TTLL8: variants seen among roughly 807,000 people sequenced by gnomAD.
TTLL8 encodes protein monoglycylase TTLL8.
In TTLL8, 65 loss-of-function variants were observed where a neutral mutation model predicts 77.8. That is an observed-to-expected ratio of 0.84 (90% CI 0.68 to 1.03). TTLL8 has a LOEUF of 1.03. TTLL8 is among the 50% of genes least tolerant of loss of function. TTLL8 has a pLI of 0.00. For synonymous variants in TTLL8, 402 were observed against 422.8 expected (o/e 0.95, Z 0.60); for missense variants, 910 against 1,004.5 (o/e 0.91, Z 1.27).
At chr22:50,055,213 C>T (rs755209132), upstream of TTLL8, 20 of 1,285,174 alleles carry the variant, frequency 1.6e-5, no homozygotes, top group South Asian at 2.1e-4. Flanking sequence ...CCCTCCCCAC[C>T]GAGTCCCAAG....
In TTLL8 at chr22:50,031,674, G is replaced by A. The variant is rs780124612; in HGVS notation, c.1707+12C>T. On this transcript the variant is annotated intron_variant, in intron 11 of 13. Transcript: ENST00000266182. Reference sequence around the variant, plus strand: ...GCGGCCACCAAAGTCCCCAGGGGCGGGCGTGGCTCACCTGCCTCCACAGGA... The same window carrying A: ...GCGGCCACCAAAGTCCCCAGGGGCGAGCGTGGCTCACCTGCCTCCACAGGA... 2.4e-6 allele frequency: 3 copies of A among 1,268,358 alleles called. No individual in the cohort carries two copies. The highest frequency in any genetic ancestry group is 2.3e-5 in the Admixed American group (1 of 42,774). The allele number at this position is 1,268,358 out of a possible 1,614,324, so 78.6% of individuals were successfully genotyped here. A position where few individuals can be genotyped will look rare whatever the true frequency, so the allele number is the denominator to read the frequency against.
upstream of TTLL8, chr22:50,056,889 C>G: frequency 7.8e-7 from 1 of 1,289,714 alleles, no homozygotes; most frequent in Non-Finnish European, 1.0e-6. The surrounding 1 kb of genome is among the most constrained non-coding windows in gnomAD (Gnocchi z 4.1). Flanking sequence ...TCTCCCGTCT[C>G]CATCTGAAGA....
At chr22:50,020,712 C>G (rs376282041) in intron 12 of TTLL8, among the ~76,000 whole-genome samples, 1 of 150,056 alleles carries the variant, frequency 6.7e-6, no homozygotes, top group Non-Finnish European at 1.5e-5. Flanking sequence ...ATGTACTCCT[C>G]CATCTGACGA....
At chr22:50,032,051 T>G (rs772608912) in exon 11 of TTLL8, 1 of 1,365,464 alleles carries the variant, frequency 7.3e-7, no homozygotes, top group Non-Finnish European at 9.8e-7. Flanking sequence ...AGCAGGGGGC[T>G]GCGGCCCACA....
In TTLL8 at chr22:50,041,754, T is replaced by C. The variant is rs748825888; in HGVS notation, c.697A>G (p.Ile233Val). Residue 233 changes from isoleucine (I) to valine (V), a missense_variant, in exon 7 of 14, where the codon ATC becomes GTC. By Grantham distance (29) the Ile-to-Val change is conservative. Transcript: ENST00000266182. The surrounding 1 kb of genome is among the most constrained non-coding windows in gnomAD (Gnocchi z 4.3). The stretch of plus-strand genomic sequence containing the variant: ...TAGGCCTGGCACACCTTGCACGCGA[T>C]GTCCACAAGCTGCCCCGGGAGGCCC... 6.6e-6 allele frequency: 9 copies of C among 1,365,300 alleles called. No individual in the cohort carries two copies. The African/African-American group carries it at 1.2e-4, about 18-fold the overall frequency. The allele number at this position is 1,365,300 out of a possible 1,614,324, so 84.6% of individuals were successfully genotyped here.
chr22:50,057,480 GT>G (rs1326360022), upstream of TTLL8, among the ~76,000 whole-genome samples: 1 of 97,688 alleles, frequency 1.0e-5, no homozygotes, highest in African/African-American at 4.2e-5. Flanking sequence ...GGTCTGGATT[GT>G]GGGTCAGGTC....
intron 12 of TTLL8, among the ~76,000 whole-genome samples, 164 bp from the exon 14 acceptor site, chr22:50,018,955 T>G (rs149322833): frequency 1.3e-3 from 198 of 152,324 alleles, no homozygotes; most frequent in African/African-American, 4.1e-3. Context: ...ATGTATGTAG[T>G]AAATCTAAAA....
At chr22:50,053,281 G>A (rs1281929512) in intron 1 of TTLL8, among the ~76,000 whole-genome samples, 4 of 148,848 alleles carry the variant, frequency 2.7e-5, no homozygotes, top group Non-Finnish European at 4.4e-5. Context: ...CAAAATGTTA[G>A]GCGTAAAGCA....
chr22:50,030,102 G>C, intron 12 of TTLL8: 1 of 910,306 alleles, frequency 1.1e-6, no homozygotes, highest in Non-Finnish European at 1.3e-6. Flanking sequence ...CGCTGTTCAA[G>C]GTCCTAACTC....
intron 12 of TTLL8, among the ~76,000 whole-genome samples, chr22:50,025,599 G>A (rs576133724): frequency 1.4e-4 from 22 of 152,176 alleles, no homozygotes; most frequent in Admixed American, 3.9e-4. Context: ...GAGATCGTGC[G>A]GTTGCACTCC....
chr22:50,019,314 C>CA (rs2061182081), intron 12 of TTLL8, among the ~76,000 whole-genome samples: 1 of 152,154 alleles, frequency 6.6e-6, no homozygotes, highest in Non-Finnish European at 1.5e-5. Flanking sequence ...ATGAGATCAA[C>CA]AAAAGTTAAA....
chr22:50,051,519 TATC>T (rs1190510377), intron 1 of TTLL8, among the ~76,000 whole-genome samples: 1 of 152,264 alleles, frequency 6.6e-6, no homozygotes, highest in Admixed American at 6.5e-5. Flanking sequence ...ATCTTTTTTG[TATC>T]ATGACTTCTT....
chr22:50,025,993 G>C (rs2061227848), intron 12 of TTLL8, among the ~76,000 whole-genome samples: 1 of 152,132 alleles, frequency 6.6e-6, no homozygotes, highest in Non-Finnish European at 1.5e-5. Flanking sequence ...CAAAACCCAA[G>C]CATCCTTCAT....
At position 50,041,482 on chromosome 22, in the gene TTLL8, G is replaced by C. The variant is rs1048736511; in HGVS notation, c.830+139C>G. On this transcript the variant is annotated intron_variant, in intron 7 of 13. Transcript: ENST00000266182. The surrounding 1 kb of genome is among the most constrained non-coding windows in gnomAD (Gnocchi z 4.3). ...GACAGGAGCCCCAACGCCAGGACAG[G>C]CATCTCAACACTCAATACCCCACAG... 1.7e-6 allele frequency: 2 copies of C among 1,202,198 alleles called. No individual in the cohort carries two copies. Among genetic ancestry groups the C allele is most frequent in the South Asian group, 3.1e-5 (2 of 63,940 alleles). The allele number at this position is 1,202,198 out of a possible 1,614,324, so 74.5% of individuals were successfully genotyped here. A position where few individuals can be genotyped will look rare whatever the true frequency, so the allele number is the denominator to read the frequency against.
In TTLL8 at chr22:50,034,596, G is replaced by A. The variant is rs1355006435; in HGVS notation, c.922-134C>T. 2 of 960,308 alleles carry A rather than the reference G, an allele frequency of 2.1e-6. No homozygotes were observed. The allele number at this position is 960,308 out of a possible 1,614,324, so 59.5% of individuals were successfully genotyped here. A position where few individuals can be genotyped will look rare whatever the true frequency, so the allele number is the denominator to read the frequency against. ...AGGCGCTCGGCTCTAGGATGGTCTG[G>A]GGCTGGCCTGGCGGGAAAGGGCTGC... On this transcript the variant is annotated intron_variant, in intron 8 of 13. Transcript: ENST00000266182. The surrounding 1 kb of genome is among the most constrained non-coding windows in gnomAD (Gnocchi z 4.1).
rs1042474343 is a variant in TTLL8, at chr22:50,028,587, G to A, written c.2203+1843C>T. Among the ~76,000 whole-genome samples, 98 of 130,966 alleles carry A rather than the reference G, an allele frequency of 7.5e-4. 1 individual carries two copies. Among genetic ancestry groups the A allele is most frequent in the Non-Finnish European group, 1.1e-3 (69 of 61,444 alleles). The allele number at this position is 130,966 out of a possible 152,430, so 85.9% of individuals were successfully genotyped here. A position where few individuals can be genotyped will look rare whatever the true frequency, so the allele number is the denominator to read the frequency against. ...GTGCCGTCATAAAGACCCCCACCAT[G>A]CCCTCGTAAAGACCCCCATCACACC... On this transcript the variant is annotated intron_variant, in intron 12 of 13. Transcript: ENST00000266182.
At chr22:50,055,307 G>A (rs778925428), upstream of TTLL8, 8 of 1,289,856 alleles carry the variant, frequency 6.2e-6, no homozygotes, top group Admixed American at 9.2e-5. Flanking sequence ...CAAGTCTTGG[G>A]AAATTCCTTG....
At chr22:50,045,352 C>G in exon 6 of TTLL8, 1 of 1,366,188 alleles carries the variant, frequency 7.3e-7, no homozygotes, top group Non-Finnish European at 9.8e-7. Flanking sequence ...TGACCACCCA[C>G]TTGAGGATGC....
chr22:50,044,694 C>T lies in TTLL8; in HGVS notation c.643+561G>A, dbSNP rs144377319. On this transcript the variant is annotated intron_variant, in intron 6 of 13. Transcript: ENST00000266182. The surrounding 1 kb of genome is among the most constrained non-coding windows in gnomAD (Gnocchi z 4.2). ...TGGGGGATGTTGGCGGTGCAGGAGG[C>T]GCGGGGGCAGGAGAGTGTGGTAAAT... is the stretch of plus-strand genomic sequence containing the variant. 4.7e-3 allele frequency among the ~76,000 whole-genome samples: 723 copies of T among 152,282 alleles called. 8 individuals carry two copies. The highest frequency in any genetic ancestry group is 0.017 in the African/African-American group (699 of 41,550).
Sources: allele counts gnomAD v4.1 joint callset (sites outside exome capture counted in the v4.1 genomes callset), GRCh38; gene constraint gnomAD v4.1.1; non-coding constraint Gnocchi (gnomAD v3.1); transcripts MANE v1.5; gene names NCBI Gene and HGNC (gene_info 2026-07-23, HGNC 2026-07-21).